The following KAZN variants were observed in gnomAD, a reference collection of about 807,000 sequenced individuals.
The protein encoded by KAZN is kazrin.
In KAZN, 40 loss-of-function variants were observed where a neutral mutation model predicts 87.4. That is an observed-to-expected ratio of 0.46 (90% confidence interval 0.36 to 0.60). KAZN has a LOEUF of 0.60. KAZN is among the 20% of genes least tolerant of loss of function. The pLI, the probability that KAZN is intolerant of heterozygous loss-of-function variation, is 0.00. For synonymous variants in KAZN, 466 were observed against 458.3 expected (o/e 1.02, Z -0.22); for missense variants, 898 against 1,073.9 (o/e 0.84, Z 2.29).
intron 2 of KAZN, among the ~76,000 whole-genome samples, chr1:14,967,683 G>A (rs61240079): frequency 0.012 from 1,879 of 152,272 alleles, 31 homozygotes; most frequent in African/African-American, 0.042. Flanking sequence ...TTCAATGTGG[G>A]GCCTTGACAC....
chr1:14,164,664 C>T (rs1051454603), intron 1 of KAZN, among the ~76,000 whole-genome samples: 22 of 151,690 alleles, frequency 1.5e-4, no homozygotes, highest in African/African-American at 3.9e-4. Context: ...CCTCAGCCTC[C>T]GAAGTAGCCA....
At chr1:14,763,410 AG>A (rs1430640640) in intron 1 of KAZN, among the ~76,000 whole-genome samples, 2 of 151,952 alleles carry the variant, frequency 1.3e-5, no homozygotes, top group South Asian at 2.1e-4. Context: ...TTGACCGGCC[AG>A]GGCCCCTGAG....
chr1:14,438,095 CA>C (rs35260375), intron 2 of KAZN, among the ~76,000 whole-genome samples: 77,310 of 133,972 alleles, frequency 0.58, 21,269 homozygotes, highest in Middle Eastern at 0.69. Context: ...TCCCTAAAGC[CA>C]AAAAAAAAAA....
At chr1:14,946,907 A>C (rs1479765566) in intron 1 of KAZN, among the ~76,000 whole-genome samples, 1 of 152,084 alleles carries the variant, frequency 6.6e-6, no homozygotes, top group Admixed American at 6.6e-5. Flanking sequence ...TATAATATGG[A>C]AATAGAAATG....
intron 2 of KAZN, among the ~76,000 whole-genome samples, chr1:14,587,310 C>A (rs1182992134): frequency 6.6e-6 from 1 of 151,932 alleles, no homozygotes; most frequent in African/African-American, 2.4e-5. Flanking sequence ...GTGGCATGCA[C>A]CTGTAATCCC....
chr1:14,733,832 T>C (rs1015463130), intron 1 of KAZN, among the ~76,000 whole-genome samples: 2 of 152,198 alleles, frequency 1.3e-5, no homozygotes, highest in Non-Finnish European at 2.9e-5. Flanking sequence ...ACTCCACTTT[T>C]ATTCTCTGGG....
chr1:14,460,478 C>G (rs1262311546), intron 2 of KAZN, among the ~76,000 whole-genome samples: 1 of 152,210 alleles, frequency 6.6e-6, no homozygotes, highest in African/African-American at 2.4e-5. Context: ...TTCTGCTCAG[C>G]CTTCCAGGGC....
At chr1:14,714,153 G>C (rs533997105) in intron 1 of KAZN, among the ~76,000 whole-genome samples, 2 of 152,246 alleles carry the variant, frequency 1.3e-5, no homozygotes, top group South Asian at 4.2e-4. Context: ...GCAGGTCCCT[G>C]CAGTCTGGTT....
intron 2 of KAZN, among the ~76,000 whole-genome samples, chr1:14,375,354 C>G (rs1049793593): frequency 6.6e-6 from 1 of 152,120 alleles, no homozygotes; most frequent in Non-Finnish European, 1.5e-5. Flanking sequence ...CCAACACAGA[C>G]AGCCTTCTCC....
intron 1 of KAZN, among the ~76,000 whole-genome samples, chr1:14,892,183 G>T (rs548998818): frequency 6.6e-6 from 1 of 152,150 alleles, no homozygotes; most frequent in African/African-American, 2.4e-5. Flanking sequence ...GGTCTCTAGG[G>T]AGCCCAGCCC....
chr1:14,606,604 G>T (rs1677385048), intron 1 of KAZN, among the ~76,000 whole-genome samples: 1 of 152,122 alleles, frequency 6.6e-6, no homozygotes, highest in Admixed American at 6.6e-5. Context: ...TCCATCCCAT[G>T]TCTTTTCTTT....
At chr1:14,321,683 A>G (rs1656061397) in intron 2 of KAZN, among the ~76,000 whole-genome samples, 1 of 152,206 alleles carries the variant, frequency 6.6e-6, no homozygotes, top group Non-Finnish European at 1.5e-5. Context: ...TGACCCCCAG[A>G]GAGTTTCACT....
At chr1:14,668,521 C>A (rs1392931271) in intron 1 of KAZN, among the ~76,000 whole-genome samples, 3 of 152,152 alleles carry the variant, frequency 2.0e-5, no homozygotes, top group Non-Finnish European at 2.9e-5. Context: ...GTCGATTTTG[C>A]CCCTCTCCCA....
At chr1:14,096,517 C>A (rs1294848117) in intron 1 of KAZN, among the ~76,000 whole-genome samples, 3 of 152,198 alleles carry the variant, frequency 2.0e-5, no homozygotes, top group Non-Finnish European at 2.9e-5. Context: ...GCATGATCGA[C>A]AATGATAGGT....
intron 2 of KAZN, among the ~76,000 whole-genome samples, chr1:14,275,674 CA>C (rs1260976973): frequency 6.6e-6 from 1 of 152,132 alleles, no homozygotes; most frequent in African/African-American, 2.4e-5. Flanking sequence ...GAATATACCA[CA>C]ATTTATTTAT....
At chr1:13,929,207 T>TG (rs1453773391) in intron 1 of KAZN, among the ~76,000 whole-genome samples, 1 of 152,014 alleles carries the variant, frequency 6.6e-6, no homozygotes, top group Non-Finnish European at 1.5e-5. Context: ...AGCACGAGCC[T>TG]GGCCCAAGGG....
At chr1:14,352,820 T>A (rs1460582519) in intron 2 of KAZN, among the ~76,000 whole-genome samples, 1 of 152,150 alleles carries the variant, frequency 6.6e-6, no homozygotes, top group African/African-American at 2.4e-5. Flanking sequence ...GGATAATACA[T>A]CATGACTGGC....
At chr1:14,466,187 C>T (rs935825005) in intron 2 of KAZN, among the ~76,000 whole-genome samples, 1 of 152,152 alleles carries the variant, frequency 6.6e-6, no homozygotes, top group Non-Finnish European at 1.5e-5. Context: ...TATGTCCCTG[C>T]CGCCAAAAGC....
chr1:13,923,439 G>T (rs566483924), intron 1 of KAZN, among the ~76,000 whole-genome samples: 14 of 152,036 alleles, frequency 9.2e-5, no homozygotes, highest in Admixed American at 2.0e-4. Flanking sequence ...CGGGCGTGGT[G>T]GCAGGTGCCT....
Sources: gnomAD v4.1 joint callset for allele counts (sites outside exome capture counted in the v4.1 genomes callset) on GRCh38, gnomAD v4.1.1 for gene constraint, MANE v1.5 for transcripts, NCBI Gene and HGNC (gene_info 2026-07-23, HGNC 2026-07-21) for gene names.